The following KATNAL1 variants were observed in gnomAD, a reference collection of about 807,000 sequenced individuals.
KATNAL1 encodes the protein katanin catalytic subunit A1 like 1, also known as katanin p60 ATPase-containing subunit A-like 1.
KATNAL1 carries 32 observed loss-of-function variants against 55.2 expected under a neutral mutation model. The observed-to-expected ratio is 0.58, with a 90% confidence interval of 0.44 to 0.78. The LOEUF is 0.78. Ranked by LOEUF, KATNAL1 falls within the 30% of genes least tolerant of loss-of-function variation. The pLI, the probability that KATNAL1 is intolerant of heterozygous loss-of-function variation, is 0.00. For missense variants in KATNAL1, 466 were observed against 600.9 expected, an observed-to-expected ratio of 0.78 and a Z score of 2.35; for synonymous variants, 193 against 193.6, an observed-to-expected ratio of 1.00 and a Z score of 0.02.
chr13:30,283,944 T>C (rs1470986999), intron 1 of KATNAL1, among the ~76,000 whole-genome samples, 153 bp from the exon 2 acceptor site: 2 of 151,982 alleles, frequency 1.3e-5, no homozygotes, highest in Non-Finnish European at 2.9e-5. Flanking sequence ...AGCATGATCT[T>C]GACTCACTGC....
chr13:30,265,340 T>C (rs1232578072), intron 3 of KATNAL1, among the ~76,000 whole-genome samples: 2 of 151,792 alleles, frequency 1.3e-5, no homozygotes, highest in East Asian at 1.9e-4. Context: ...AACCTGCACA[T>C]TGTGCACATG....
intron 4 of KATNAL1, among the ~76,000 whole-genome samples, chr13:30,254,515 T>C (rs1236355814): frequency 2.0e-5 from 3 of 152,210 alleles, no homozygotes; most frequent in African/African-American, 7.2e-5. Flanking sequence ...TCTTGGTCTA[T>C]GTATTATGGC....
chr13:30,282,999 G>C (rs2137536962), intron 2 of KATNAL1, among the ~76,000 whole-genome samples: 1 of 149,284 alleles, frequency 6.7e-6, no homozygotes, highest in East Asian at 2.0e-4. Flanking sequence ...GCCAGGTACA[G>C]CGGCTCACGC....
chr13:30,304,268 CTT>C (rs35058135), intron 1 of KATNAL1, among the ~76,000 whole-genome samples: 2,926 of 139,952 alleles, frequency 0.021, 37 homozygotes, highest in Middle Eastern at 0.077. Flanking sequence ...ACACACAACT[CTT>C]TTTTTTTTTT....
chr13:30,211,679 A>T (rs934069065), intron 9 of KATNAL1, among the ~76,000 whole-genome samples: 2 of 152,220 alleles, frequency 1.3e-5, no homozygotes, highest in Non-Finnish European at 1.5e-5. Context: ...TCCAATAAAG[A>T]TCCTCCTAAA....
At chr13:30,296,403 G>A (rs2137563560) in intron 1 of KATNAL1, 1 of 1,000,208 alleles carries the variant, frequency 1.0e-6, no homozygotes, top group Non-Finnish European at 1.6e-6. Context: ...CACCTGGCTT[G>A]GATTAACATC....
At chr13:30,261,584 A>G (rs984852710) in intron 3 of KATNAL1, among the ~76,000 whole-genome samples, 8 of 152,196 alleles carry the variant, frequency 5.3e-5, no homozygotes, top group African/African-American at 1.9e-4. Flanking sequence ...CTGATAAAAC[A>G]GACTTTAAAC....
intron 4 of KATNAL1, among the ~76,000 whole-genome samples, chr13:30,249,118 G>C (rs987451710): frequency 2.1e-4 from 32 of 151,858 alleles, no homozygotes; most frequent in Non-Finnish European, 8.8e-5. Context: ...TGTAATCCCA[G>C]CTACTTGGAA....
intron 4 of KATNAL1, among the ~76,000 whole-genome samples, chr13:30,241,611 C>A (rs889295132): frequency 1.1e-4 from 17 of 152,166 alleles, no homozygotes; most frequent in African/African-American, 4.1e-4. Context: ...TTGCCAGAGA[C>A]AGTCCAACTA....
In KATNAL1 at chr13:30,207,562, C is replaced by G. The variant is rs1053876700; in HGVS notation, c.*978G>C. 1 of 152,062 alleles carries G rather than the reference C, an allele frequency of 6.6e-6. No homozygotes were observed. Among genetic ancestry groups the G allele is most frequent in the Non-Finnish European group, 1.5e-5 (1 of 68,022 alleles). 9.4% of individuals were successfully genotyped at this position (152,062 alleles called of 1,614,324 possible). ...CAAGAAAAATCAAACAATGCTGGAG[C>G]TGAGAAAAATAATGGCTATATATCT... is the stretch of plus-strand genomic sequence containing the variant. On this transcript the variant is annotated 3_prime_UTR_variant, in exon 11 of 11. Transcript: ENST00000380615.
chr13:30,296,072 A>G, intron 1 of KATNAL1: 1 of 276,332 alleles, frequency 3.6e-6, no homozygotes, highest in Non-Finnish European at 6.8e-6. Context: ...AATTAGTCAC[A>G]TGGGCACTGA....
At chr13:30,287,863 C>G (rs995820822) in intron 1 of KATNAL1, among the ~76,000 whole-genome samples, 1 of 152,064 alleles carries the variant, frequency 6.6e-6, no homozygotes. Flanking sequence ...TGTAAAAGAC[C>G]TAACAAGTAA....
intron 1 of KATNAL1, among the ~76,000 whole-genome samples, chr13:30,292,423 A>C (rs577246518): frequency 6.6e-6 from 1 of 152,160 alleles, no homozygotes; most frequent in East Asian, 1.9e-4. Context: ...CAATTTGAAA[A>C]GGGCCATGTA....
chr13:30,245,939 A>G (rs969745283), intron 4 of KATNAL1, among the ~76,000 whole-genome samples: 1 of 152,218 alleles, frequency 6.6e-6, no homozygotes, highest in Non-Finnish European at 1.5e-5. Context: ...TCATGGATAG[A>G]AGAATCAATA....
intron 3 of KATNAL1, among the ~76,000 whole-genome samples, chr13:30,269,478 C>T (rs918393892): frequency 6.6e-6 from 1 of 152,260 alleles, no homozygotes; most frequent in African/African-American, 2.4e-5. Flanking sequence ...ATTGCAGTCT[C>T]TGCCCGGCCG....
intron 6 of KATNAL1, among the ~76,000 whole-genome samples, chr13:30,231,827 A>C (rs1421377279): frequency 6.6e-6 from 1 of 152,174 alleles, no homozygotes; most frequent in Non-Finnish European, 1.5e-5. Context: ...CACATAATAA[A>C]AATAAGACAT....
intron 1 of KATNAL1, among the ~76,000 whole-genome samples, chr13:30,297,134 C>A (rs545260875): frequency 3.3e-4 from 48 of 146,834 alleles, no homozygotes; most frequent in African/African-American, 1.2e-3. Context: ...CAGAGTGAGA[C>A]CCTGCCTCTA....
Position 30,204,375 on chromosome 13 carries a change from G to A in KATNAL1, c.*4165C>T, listed in dbSNP as rs1047571739. The A allele has an allele frequency of 4.6e-5, 7 of 152,118 alleles. No individual in the cohort carries two copies. Among genetic ancestry groups the A allele is most frequent in the Admixed American group, 1.3e-4 (2 of 15,270 alleles). The allele number at this position is 152,118 out of a possible 1,614,324, so 9.4% of individuals were successfully genotyped here. A position where few individuals can be genotyped will look rare whatever the true frequency, so the allele number is the denominator to read the frequency against. On this transcript the variant is annotated 3_prime_UTR_variant, in exon 11 of 11. Transcript: ENST00000380615. ...TAACCTAGACAATACTGAAGGAACC[G>A]AAGTCCACTCACACAACATGAAATA...
chr13:30,273,383 A>C (rs915950537), intron 3 of KATNAL1, among the ~76,000 whole-genome samples: 2 of 152,118 alleles, frequency 1.3e-5, no homozygotes, highest in Non-Finnish European at 2.9e-5. Flanking sequence ...ATCCATGCCA[A>C]TTCTCAATCC....
Sources: allele counts gnomAD v4.1 joint callset (sites outside exome capture counted in the v4.1 genomes callset), GRCh38; gene constraint gnomAD v4.1.1; transcripts MANE v1.5; gene names NCBI Gene and HGNC (gene_info 2026-07-23, HGNC 2026-07-21).